The following ADAMTS20 variants were observed in gnomAD, a reference collection of about 807,000 sequenced individuals.
ADAMTS20 encodes ADAM metallopeptidase with thrombospondin type 1 motif 20, also known as A disintegrin and metalloproteinase with thrombospondin motifs 20.
Under a neutral mutation model 260.1 loss-of-function variants are expected in ADAMTS20, and 225 were observed. The observed-to-expected ratio is 0.87, with a 90% CI of 0.78 to 0.97. The LOEUF (loss-of-function observed/expected upper bound fraction) is 0.97, where lower values mean the gene tolerates loss of function less well. ADAMTS20 is among the 50% of genes least tolerant of loss of function. ADAMTS20 has a pLI of 0.00. For missense variants in ADAMTS20, 2,400 were observed against 2,337.7 expected (o/e 1.03, Z -0.55); for synonymous variants, 802 against 769.5 (o/e 1.04, Z -0.70).
intron 28 of ADAMTS20, among the ~76,000 whole-genome samples, chr12:43,413,087 G>A (rs1941064542): frequency 6.6e-6 from 1 of 152,016 alleles, no homozygotes; most frequent in Admixed American, 6.6e-5. Flanking sequence ...GGGATTACAG[G>A]CATGAGCCAC....
At chr12:43,453,487 C>T (rs922346671) in intron 12 of ADAMTS20, among the ~76,000 whole-genome samples, 2 of 152,002 alleles carry the variant, frequency 1.3e-5, no homozygotes, top group Admixed American at 1.3e-4. Context: ...AATAAAGTAT[C>T]ACATGTCACA....
At chr12:43,392,786 G>A (rs537459888) in intron 29 of ADAMTS20, among the ~76,000 whole-genome samples, 1 of 152,086 alleles carries the variant, frequency 6.6e-6, no homozygotes, top group Non-Finnish European at 1.5e-5. Flanking sequence ...GTTCTAGGGG[G>A]TCTCCTCTTA....
intron 12 of ADAMTS20, 105 bp downstream of exon 12, chr12:43,453,802 A>C (rs138330162): frequency 0.015 from 19,746 of 1,314,544 alleles, 178 homozygotes; most frequent in Non-Finnish European, 0.017. Context: ...TCTGAATCTC[A>C]GAAACTTACG....
chr12:43,441,345 G>A (rs1941662529), intron 16 of ADAMTS20, among the ~76,000 whole-genome samples: 2 of 151,406 alleles, frequency 1.3e-5, no homozygotes, highest in Non-Finnish European at 2.9e-5. Context: ...TATACAAATA[G>A]AGAAGACAAT....
chr12:43,422,972 A>G (rs947457948), intron 28 of ADAMTS20: 1 of 152,134 alleles, frequency 6.6e-6, no homozygotes, highest in African/African-American at 2.4e-5. Context: ...ATCACAGTGG[A>G]TATGTAGAGA....
At chr12:43,367,371 C>T (rs376183981) in intron 37 of ADAMTS20, among the ~76,000 whole-genome samples, 20 of 152,014 alleles carry the variant, frequency 1.3e-4, no homozygotes, top group East Asian at 3.9e-4. Flanking sequence ...ATCACAGGAA[C>T]GCAAGGTTGT....
At chr12:43,515,634 T>C (rs1942990145) in intron 3 of ADAMTS20, among the ~76,000 whole-genome samples, 1 of 152,180 alleles carries the variant, frequency 6.6e-6, no homozygotes, top group Admixed American at 6.5e-5. Flanking sequence ...GTAAATCTAG[T>C]GTTAAAAAAC....
At chr12:43,415,757 T>A (rs1038011375) in intron 28 of ADAMTS20, among the ~76,000 whole-genome samples, 2 of 152,214 alleles carry the variant, frequency 1.3e-5, no homozygotes, top group Non-Finnish European at 2.9e-5. Flanking sequence ...TAGGATAGAC[T>A]TAATATTTAA....
chr12:43,411,611 A>G (rs1001818836), intron 28 of ADAMTS20, among the ~76,000 whole-genome samples: 6 of 151,896 alleles, frequency 4.0e-5, no homozygotes, highest in African/African-American at 1.4e-4. Context: ...CAGGTGATCC[A>G]CCCACCTCAG....
intron 9 of ADAMTS20, 143 bp from the exon 10 acceptor site, chr12:43,464,875 T>A (rs1300597591): frequency 2.3e-6 from 2 of 862,710 alleles, no homozygotes; most frequent in African/African-American, 3.4e-5. Context: ...CTCACATCAA[T>A]ATCAGTATAG....
intron 29 of ADAMTS20, among the ~76,000 whole-genome samples, chr12:43,385,178 G>A (rs1271244547): frequency 1.3e-5 from 2 of 152,034 alleles, no homozygotes; most frequent in East Asian, 1.9e-4. Flanking sequence ...ATCTCATTGT[G>A]GTTTTGATTT....
chr12:43,496,101 T>C (rs535705648), intron 4 of ADAMTS20, among the ~76,000 whole-genome samples: 13 of 152,278 alleles, frequency 8.5e-5, no homozygotes, highest in African/African-American at 2.6e-4. Context: ...CACCCCAAAT[T>C]AGATTGCCTT....
chr12:43,416,390 A>T (rs1240153819), intron 28 of ADAMTS20, among the ~76,000 whole-genome samples: 2 of 152,110 alleles, frequency 1.3e-5, no homozygotes, highest in Admixed American at 6.6e-5. Context: ...TAGAATTTTT[A>T]AAATTTCTTA....
intron 28 of ADAMTS20, among the ~76,000 whole-genome samples, chr12:43,411,213 C>T (rs1941024918): frequency 1.3e-5 from 2 of 152,248 alleles, no homozygotes; most frequent in South Asian, 4.1e-4. Context: ...ATCCTTTAGT[C>T]TTCAAAATTA....
chr12:43,475,844 T>C (rs10880507), intron 7 of ADAMTS20, among the ~76,000 whole-genome samples: 84,717 of 126,000 alleles, frequency 0.67, 29,075 homozygotes, highest in East Asian at 1. Context: ...AAAATCAATT[T>C]AAGATGGATT....
Position 43,427,346 on chromosome 12 carries a change from C to T in ADAMTS20, c.4069G>A (p.Gly1357Arg). 1 of 1,613,898 alleles carries T rather than the reference C, an allele frequency of 6.2e-7. No homozygotes were observed. The highest frequency in any genetic ancestry group is 1.7e-4 in the Middle Eastern group (1 of 6,056). ...KPPELQQCGP[G>R]PCPQWNYGNW... ...CCGTAGTTCCACTGTGGACAAGGCC[C>T]TGGACCACATTGCTGTAACTCTGGA... Residue 1357 changes from glycine (G) to arginine (R), a missense_variant, in exon 27 of 39, where the codon GGG becomes AGG. By Grantham distance (125) the Gly-to-Arg change is moderately radical. Coordinates refer to ENST00000389420, the MANE Select transcript of ADAMTS20 (RefSeq NM_025003.5).
chr12:43,491,720 A>G (rs1942602879), intron 6 of ADAMTS20, among the ~76,000 whole-genome samples: 1 of 152,218 alleles, frequency 6.6e-6, no homozygotes, highest in Non-Finnish European at 1.5e-5. Context: ...TAAGGCAGGC[A>G]TTAAGCATCA....
intron 9 of ADAMTS20, among the ~76,000 whole-genome samples, chr12:43,465,286 T>C (rs942334111): frequency 6.6e-6 from 1 of 152,082 alleles, no homozygotes; most frequent in African/African-American, 2.4e-5. Context: ...TACATTTTGG[T>C]TCCCATCAAT....
chr12:43,453,909 A>G lies in ADAMTS20; in HGVS notation c.1758T>C (p.Pro586=), dbSNP rs1308357478. Residue 586 remains proline, a splice_region_variant and synonymous_variant, in exon 12 of 39, where the codon CCT becomes CCC. Coordinates refer to ENST00000389420, the MANE Select transcript of ADAMTS20 (RefSeq NM_025003.5). ...ATAGTGACATAAAAAAGACATACTC[A>G]GGACGATTACAGCGCCTGGTTGCAC... The part of the protein sequence containing the change: ...IESATRRCNR[P]EPRNGGNYCV... The G allele has an allele frequency of 1.3e-6, 2 of 1,597,562 alleles. No homozygotes were observed. Among genetic ancestry groups the G allele is most frequent in the Non-Finnish European group, 1.7e-6 (2 of 1,170,976 alleles).
Sources: allele counts gnomAD v4.1 joint callset (sites outside exome capture counted in the v4.1 genomes callset), GRCh38; gene constraint gnomAD v4.1.1; transcripts MANE v1.5; gene names NCBI Gene and HGNC (gene_info 2026-07-23, HGNC 2026-07-21).